The following AXIN2 variants were observed in gnomAD, a reference collection of about 807,000 sequenced individuals.
The protein encoded by AXIN2 is axin 2.
A neutral mutation model predicts 74.7 loss-of-function variants in AXIN2; 21 were observed. That is an observed-to-expected ratio of 0.28 (90% CI 0.20 to 0.40). The LOEUF (loss-of-function observed/expected upper bound fraction) is 0.40. Among genes scored for constraint, AXIN2 ranks in the 10% least tolerant of loss-of-function variants. AXIN2 has a pLI of 1.00. For missense variants in AXIN2, 1,144 were observed against 1,111.1 expected (o/e 1.03, Z -0.42); for synonymous variants, 532 against 454.9 (o/e 1.17, Z -2.16).
In AXIN2 at chr17:65,537,362, G is replaced by A. The variant is rs2144456325; in HGVS notation, c.1674C>T (p.His558=). The part of the protein sequence containing the change: ...EYYCYSKCKS[H]SKAPETMPSE... The stretch of plus-strand genomic sequence containing the variant: ...TGGGCATGGTTTCCGGAGCCTTGGA[G>A]TGGCTTTTGCATTTCGAGTAGCAGT... The change falls in exon 6 of 11, where the codon CAC becomes CAT. Residue 558 remains histidine, a synonymous_variant. Coordinates refer to ENST00000307078, the MANE Select transcript of AXIN2 (RefSeq NM_004655.4). The A allele has an allele frequency of 6.2e-7, 1 of 1,614,170 alleles. No homozygotes were observed. Among genetic ancestry groups the A allele is most frequent in the Non-Finnish European group, 8.5e-7 (1 of 1,180,038 alleles).
chr17:65,547,354 AG>A (rs1488836177), intron 3 of AXIN2, among the ~76,000 whole-genome samples: 1 of 152,234 alleles, frequency 6.6e-6, no homozygotes, highest in Non-Finnish European at 1.5e-5. Flanking sequence ...GCCTGGGGGA[AG>A]GGCAAAGCGG....
intron 2 of AXIN2, among the ~76,000 whole-genome samples, chr17:65,554,799 A>T (rs1433249813): frequency 6.6e-6 from 1 of 152,288 alleles, no homozygotes; most frequent in East Asian, 1.9e-4. Flanking sequence ...CCGTGCAGAA[A>T]GGCGAGGACA....
chr17:65,547,505 G>C (rs930968644), intron 3 of AXIN2, among the ~76,000 whole-genome samples: 1 of 152,070 alleles, frequency 6.6e-6, no homozygotes, highest in African/African-American at 2.4e-5. Context: ...GTCTTGGGAG[G>C]ATCAAACAGA....
chr17:65,537,683 G>A lies in AXIN2; in HGVS notation c.1353C>T (p.Gly451=), dbSNP rs975950606. ...AGCGGCCTACGCCTGGAGACTGGCA[G>A]CCAGGGGTCTTGAGGACCCTGGACA... ...DHLSRVLKTP[G]CQSPGVGRYS... Residue 451 remains glycine, a synonymous_variant, in exon 6 of 11, where the codon GGC becomes GGT. Transcript: ENST00000307078. 7 of 1,557,324 alleles carry A rather than the reference G, an allele frequency of 4.5e-6. No homozygotes were observed. Among genetic ancestry groups the A allele is most frequent in the African/African-American group, 4.1e-5 (3 of 73,750 alleles).
intron 2 of AXIN2, among the ~76,000 whole-genome samples, chr17:65,550,884 G>A (rs2044181833): frequency 6.6e-6 from 1 of 151,934 alleles, no homozygotes; most frequent in African/African-American, 2.4e-5. Context: ...TGTCATGAGG[G>A]AGGTACGCTC....
intron 1 of AXIN2, chr17:65,560,014 C>A (rs932399013): frequency 6.6e-6 from 1 of 152,202 alleles, no homozygotes; most frequent in African/African-American, 2.4e-5. Context: ...CCGGCCCGGT[C>A]CCCCGGCCCA....
chr17:65,532,394 G>C (rs2043837056), intron 10 of AXIN2, among the ~76,000 whole-genome samples: 1 of 152,170 alleles, frequency 6.6e-6, no homozygotes. Context: ...TGTGTCATTA[G>C]TTTCACCTTG....
Position 65,537,789 on chromosome 17 carries a change from C to A in AXIN2, c.1247G>T (p.Gly416Val), listed in dbSNP as rs1170381329. 1 of 1,588,302 alleles carries A rather than the reference C, an allele frequency of 6.3e-7. No homozygotes were observed. Among genetic ancestry groups the A allele is most frequent in the Admixed American group, 1.8e-5 (1 of 56,268 alleles). ...GSELTLNSRE[G>V]APTQHPLSLL... ...GGAGAGGGGGTGCTGCGTGGGCGCC[C>A]CCTCCCGCGAATTGAGTGTGAGCTC... The change falls in exon 6 of 11, where the codon GGG becomes GTG. Residue 416 changes from glycine (G) to valine (V), a missense_variant. By Grantham distance (109) the Gly-to-Val change is moderately radical. Coordinates refer to ENST00000307078, the MANE Select transcript of AXIN2 (RefSeq NM_004655.4).
rs1227535974 is a variant in AXIN2, at chr17:65,528,703, T to G, written c.*1273A>C. Reference sequence around the variant, plus strand: ...AACAAAATGTCATGACAAAAGTCATTGAGTACAAGACTTGTAATAAAAAGG... The same window carrying G: ...AACAAAATGTCATGACAAAAGTCATGGAGTACAAGACTTGTAATAAAAAGG... On this transcript the variant is annotated 3_prime_UTR_variant, in exon 11 of 11. Coordinates refer to ENST00000307078, the MANE Select transcript of AXIN2 (RefSeq NM_004655.4). 5.9e-6 allele frequency: 3 copies of G among 511,590 alleles called. No homozygotes were observed. The highest frequency in any genetic ancestry group is 1.1e-5 in the Non-Finnish European group (3 of 270,590). The allele number at this position is 511,590 out of a possible 1,614,324, so 31.7% of individuals were successfully genotyped here. A position where few individuals can be genotyped will look rare whatever the true frequency, so the allele number is the denominator to read the frequency against.
chr17:65,546,080 G>T (rs1429124716), intron 3 of AXIN2, among the ~76,000 whole-genome samples: 1 of 39,820 alleles, frequency 2.5e-5, no homozygotes, highest in East Asian at 6.2e-4. Context: ...TCCCTCCCCA[G>T]CTCCCAGCAG....
intron 3 of AXIN2, among the ~76,000 whole-genome samples, chr17:65,548,673 G>GACAGGGAT (rs1457593495): frequency 6.6e-6 from 1 of 152,176 alleles, no homozygotes; most frequent in Non-Finnish European, 1.5e-5. Context: ...GACAGCCGGA[G>GACAGGGAT]ACAGGGATAC....
chr17:65,541,098 G>A (rs1172998898), intron 4 of AXIN2, among the ~76,000 whole-genome samples: 1 of 151,994 alleles, frequency 6.6e-6, no homozygotes, highest in African/African-American at 2.4e-5. Flanking sequence ...GCTGGGTCTC[G>A]AACTCCTGAC....
Position 65,530,044 on chromosome 17 carries a change from A to C in AXIN2, c.2464T>G (p.Trp822Gly). 6.2e-7 allele frequency: 1 copy of C among 1,614,214 alleles called. No homozygotes were observed. The highest frequency in any genetic ancestry group is 8.5e-7 in the Non-Finnish European group (1 of 1,180,034). The stretch of plus-strand genomic sequence containing the variant: ...ATCGGGAGCACCGTCTCATCCTCCC[A>C]GATCTCCTCAAACACCGCTCCACAG... ...FACGAVFEEI[W>G]EDETVLPMYE... Residue 822 changes from tryptophan (W) to glycine (G), a missense_variant, in exon 11 of 11, where the codon TGG becomes GGG. By Grantham distance (184) the Trp-to-Gly change is radical (BLOSUM62 -2). Around this residue, in one of 4 missense-constraint regions of AXIN2, gnomAD observed 65 missense variants for 95.7 expected, o/e 0.68. Transcript: ENST00000307078.
intron 3 of AXIN2, among the ~76,000 whole-genome samples, chr17:65,547,489 G>T (rs1466963012): frequency 6.6e-6 from 1 of 152,158 alleles, no homozygotes; most frequent in Non-Finnish European, 1.5e-5. Context: ...CTGCCTTCCT[G>T]ATTGGGTCTT....
At chr17:65,549,054 G>A (rs1024743810) in intron 3 of AXIN2, among the ~76,000 whole-genome samples, 1 of 152,096 alleles carries the variant, frequency 6.6e-6, no homozygotes, top group Non-Finnish European at 1.5e-5. Flanking sequence ...ACCCCCACTT[G>A]CAATGCCTTT....
rs1234611061 is a variant in AXIN2 at position 65,537,942 on chromosome 17, GCACGCCCACAGC to G, written c.1201-119_1201-108del. On this transcript the variant is annotated intron_variant, in intron 5 of 10. Coordinates refer to ENST00000307078, the MANE Select transcript of AXIN2 (RefSeq NM_004655.4). ...TACGCAGGAGCACGCACACCCGTGT[GCACGCCCACAGC>G]CACGCCCATGCGCACACGCACAGGC... 5 of 1,440,900 alleles carry G rather than the reference GCACGCCCACAGC, an allele frequency of 3.5e-6. No individual in the cohort carries two copies. In the African/African-American group the frequency reaches 4.2e-5, roughly 12 times the overall value. The allele number at this position is 1,440,900 out of a possible 1,614,324, so 89.3% of individuals were successfully genotyped here.
chr17:65,538,780 G>T (rs2043992885), intron 4 of AXIN2, among the ~76,000 whole-genome samples: 1 of 144,148 alleles, frequency 6.9e-6, no homozygotes, highest in Admixed American at 7.1e-5. Context: ...AAAGAGAGTT[G>T]AAAATTTAAA....
rs369221405 is a variant in AXIN2 at position 65,537,731 on chromosome 17, C to T, written c.1305G>A (p.Pro435=). ...ACAGGTGATCGTCCAGTATCGTCTG[C>T]GGGTCTTCCTCGTAGCTGCCGGAGG... ...LLPSGSYEED[P]QTILDDHLSR... Residue 435 remains proline (P), a synonymous_variant, in exon 6 of 11, where the codon CCG becomes CCA. Transcript: ENST00000307078. 1.6e-4 allele frequency: 244 copies of T among 1,563,944 alleles called. No individual in the cohort carries two copies. Among genetic ancestry groups the T allele is most frequent in the Non-Finnish European group, 2.0e-4 (234 of 1,154,308 alleles).
Position 65,538,212 on chromosome 17 carries a change from C to T in AXIN2, c.1191G>A (p.Gln397=), listed in dbSNP as rs1360433499. ...SRHSLEERLQ[Q]IREDEEREGS... ...GCCTAGGCCGCATTACCTCTCGGAT[C>T]TGCTGCAGGCGCTCCTCCAGGCTGT... Residue 397 remains glutamine, a synonymous_variant, in exon 5 of 11, where the codon CAG becomes CAA. Coordinates refer to ENST00000307078, the MANE Select transcript of AXIN2 (RefSeq NM_004655.4). The T allele has an allele frequency of 6.8e-6, 11 of 1,614,140 alleles. No individual in the cohort carries two copies. The highest frequency in any genetic ancestry group is 1.3e-5 in the African/African-American group (1 of 74,964).
Sources: gnomAD v4.1 joint callset for allele counts (sites outside exome capture counted in the v4.1 genomes callset) on GRCh38, gnomAD v4.1.1 for gene constraint, gnomAD v4.1.1 regional missense constraint, MANE v1.5 for transcripts, NCBI Gene and HGNC (gene_info 2026-07-23, HGNC 2026-07-21) for gene names.